The following WDR72 variants were observed in gnomAD, a reference collection of about 807,000 sequenced individuals.
WDR72 encodes WD repeat-containing protein 72.
In WDR72, 120 loss-of-function variants were observed where a neutral mutation model predicts 124.2. The observed-to-expected ratio is 0.97, with a 90% CI of 0.83 to 1.12. WDR72 has a LOEUF of 1.12. WDR72 is among the 50% of genes most tolerant of loss of function. The probability of loss-of-function intolerance (pLI) is 0.00; values close to 1 mark genes in which losing one functional copy is unlikely to be tolerated. For missense variants in WDR72, 1,387 were observed against 1,278.8 expected (o/e 1.08, Z -1.29); for synonymous variants, 452 against 441.7 (o/e 1.02, Z -0.29).
intron 13 of WDR72, among the ~76,000 whole-genome samples, chr15:53,683,211 C>G (rs138845545): frequency 9.1e-4 from 138 of 152,216 alleles, no homozygotes; most frequent in African/African-American, 3.2e-3. Context: ...GGTGGGGACA[C>G]AGAGCCAAAC....
intron 18 of WDR72, among the ~76,000 whole-genome samples, chr15:53,548,805 A>C (rs1893602907): frequency 6.6e-6 from 1 of 152,192 alleles, no homozygotes; most frequent in African/African-American, 2.4e-5. Context: ...CTTGTAAATC[A>C]CAGCAGTTAC....
At chr15:53,706,496 C>T (rs192375402) in intron 9 of WDR72, among the ~76,000 whole-genome samples, 42 of 150,694 alleles carry the variant, frequency 2.8e-4, no homozygotes, top group African/African-American at 9.7e-4. Context: ...TTTCATTTTA[C>T]AGACAAGAAA....
At chr15:53,546,784 C>G (rs531887397) in intron 18 of WDR72, among the ~76,000 whole-genome samples, 5 of 151,876 alleles carry the variant, frequency 3.3e-5, no homozygotes, top group South Asian at 4.2e-4. Context: ...CACAAATACA[C>G]AAAATCAAAA....
At chr15:53,602,484 T>C (rs1436345825) in intron 17 of WDR72, among the ~76,000 whole-genome samples, 2 of 150,334 alleles carry the variant, frequency 1.3e-5, no homozygotes, top group Admixed American at 1.3e-4. Flanking sequence ...ATAACCAAAA[T>C]CAGAGCTGAA....
chr15:53,718,426 C>A (rs977876784), intron 3 of WDR72, among the ~76,000 whole-genome samples: 3 of 152,002 alleles, frequency 2.0e-5, no homozygotes, highest in Non-Finnish European at 4.4e-5. Flanking sequence ...GTATTTAAAC[C>A]ATCTTGGATC....
chr15:53,571,864 C>T (rs894586251), intron 18 of WDR72, among the ~76,000 whole-genome samples: 56 of 151,824 alleles, frequency 3.7e-4, no homozygotes, highest in African/African-American at 1.3e-3. Flanking sequence ...TCCCTTTTGT[C>T]CACATCCTTA....
intron 3 of WDR72, among the ~76,000 whole-genome samples, chr15:53,720,918 T>A (rs2017859517): frequency 1.3e-5 from 2 of 152,130 alleles, no homozygotes; most frequent in Admixed American, 1.3e-4. Context: ...TCCCCTCTGG[T>A]CACCATAAAG....
chr15:53,719,042 A>G (rs975563060), intron 3 of WDR72, among the ~76,000 whole-genome samples: 1 of 152,242 alleles, frequency 6.6e-6, no homozygotes, highest in East Asian at 1.9e-4. Flanking sequence ...GGATAAATAC[A>G]TCAGCCACCA....
intron 9 of WDR72, among the ~76,000 whole-genome samples, chr15:53,707,032 C>T (rs947802756): frequency 2.6e-5 from 4 of 152,058 alleles, no homozygotes; most frequent in Admixed American, 6.6e-5. Flanking sequence ...AGAGATTATG[C>T]ATAAGGGATC....
At chr15:53,519,451 A>G (rs1308699388) in intron 19 of WDR72, among the ~76,000 whole-genome samples, 2 of 152,074 alleles carry the variant, frequency 1.3e-5, no homozygotes, top group African/African-American at 4.8e-5. Context: ...CTAGACATCA[A>G]AGTTATTCCC....
At chr15:53,587,964 C>T (rs2012304457) in intron 18 of WDR72, among the ~76,000 whole-genome samples, 1 of 151,990 alleles carries the variant, frequency 6.6e-6, no homozygotes. Flanking sequence ...GTTTTGCCTT[C>T]AAATACTTGT....
intron 17 of WDR72, among the ~76,000 whole-genome samples, chr15:53,603,158 C>T (rs995815478): frequency 2.0e-5 from 3 of 151,974 alleles, no homozygotes; most frequent in African/African-American, 4.8e-5. Context: ...TATGCTTGAT[C>T]CCTGGGATGC....
At chr15:53,580,613 T>C (rs1203586712) in intron 18 of WDR72, among the ~76,000 whole-genome samples, 2 of 151,986 alleles carry the variant, frequency 1.3e-5, no homozygotes, top group Admixed American at 6.6e-5. Flanking sequence ...TTACAGAGCA[T>C]GGGGAAACTC....
In WDR72 at chr15:53,681,068, A is replaced by C. The variant is rs564535186; in HGVS notation, c.1766-15300T>G. 5.3e-4 allele frequency among the ~76,000 whole-genome samples: 80 copies of C among 152,372 alleles called. 1 individual carries two copies. In the South Asian group the frequency reaches 0.015, roughly 29 times the overall value. On this transcript the variant is annotated intron_variant, in intron 13 of 19. Coordinates refer to ENST00000360509, the MANE Select transcript of WDR72 (RefSeq NM_182758.4). ...AGAAACACAAAAGACCTTTCCCATC[A>C]AATCTTAACAGGTAAGCAAATGGTA... is the stretch of plus-strand genomic sequence containing the variant.
intron 13 of WDR72, 105 bp from the exon 14 acceptor site, chr15:53,665,873 T>C (rs2015761879): frequency 2.6e-6 from 3 of 1,161,704 alleles, no homozygotes; most frequent in South Asian, 1.3e-5. Context: ...CTTTAAGTTA[T>C]CGTGCCTTAG....
intron 18 of WDR72, among the ~76,000 whole-genome samples, chr15:53,579,222 A>T (rs188896424): frequency 2.0e-3 from 304 of 152,250 alleles, no homozygotes; most frequent in African/African-American, 7.1e-3. Context: ...AAGGGTTTTA[A>T]GTAGAGAGTT....
intron 18 of WDR72, among the ~76,000 whole-genome samples, chr15:53,560,345 A>G (rs144195763): frequency 6.6e-6 from 1 of 151,990 alleles, no homozygotes; most frequent in East Asian, 1.9e-4. Context: ...AACAACAACA[A>G]AACAAAACAA....
chr15:53,558,659 TA>T (rs1894014012), intron 18 of WDR72, among the ~76,000 whole-genome samples: 1 of 152,032 alleles, frequency 6.6e-6, no homozygotes, highest in South Asian at 2.1e-4. Context: ...TTCAAAAAGT[TA>T]AAGTCCACTC....
intron 1 of WDR72, among the ~76,000 whole-genome samples, chr15:53,757,659 A>AG (rs138751955): frequency 0.31 from 47,107 of 151,526 alleles, 7,736 homozygotes; most frequent in East Asian, 0.45. Context: ...AAAAATTAAA[A>AG]AAAAGAATTA....
Sources: gnomAD v4.1 joint callset for allele counts (sites outside exome capture counted in the v4.1 genomes callset) on GRCh38, gnomAD v4.1.1 for gene constraint, MANE v1.5 for transcripts, NCBI Gene and HGNC (gene_info 2026-07-23, HGNC 2026-07-21) for gene names.